MTERF4: variants seen among roughly 807,000 people sequenced by gnomAD.
The protein encoded by MTERF4 is mitochondrial transcription termination factor 4.
In MTERF4, 17 loss-of-function variants were observed where a neutral mutation model predicts 22.5. The ratio of observed to expected loss-of-function variants is 0.75; its 90% CI spans 0.52 to 1.13. The LOEUF (loss-of-function observed/expected upper bound fraction) is 1.13, where lower values mean the gene tolerates loss of function less well. Ranked by LOEUF, MTERF4 falls within the 50% of genes most tolerant of loss-of-function variation. The probability of loss-of-function intolerance (pLI) is 0.00; values close to 1 mark genes in which losing one functional copy is unlikely to be tolerated. For synonymous variants in MTERF4, 165 were observed against 175.3 expected, an observed-to-expected ratio of 0.94 and a Z score of 0.47; for missense variants, 420 against 466.8, an observed-to-expected ratio of 0.90 and a Z score of 0.92.
downstream of MTERF4, among the ~76,000 whole-genome samples, chr2:241,085,293 T>C (rs2063522781): frequency 6.6e-6 from 1 of 152,232 alleles, no homozygotes. Context: ...TCTCAACTTT[T>C]TCAGTCTTTT....
At chr2:241,064,572 T>G in the MTERF4 span, among the ~76,000 whole-genome samples, 1 of 152,188 alleles carries the variant, frequency 6.6e-6, no homozygotes, top group Non-Finnish European at 1.5e-5. The surrounding 1 kb of genome is among the most constrained non-coding windows in gnomAD (Gnocchi z 7.0). Flanking sequence ...GGACTGTCAC[T>G]GGGGTGGTGG....
Position 241,099,391 on chromosome 2 carries a change from T to C in MTERF4, c.520+5A>G. On this transcript the variant is annotated splice_donor_5th_base_variant and intron_variant, in intron 2 of 3. Transcript: ENST00000391980. ...CACCCAGCCAAAATCTGCAACTTCTTGTACCTTCTCCAAGCCCAAGCTTTT... is the reference window on the plus strand; with the variant it reads ...CACCCAGCCAAAATCTGCAACTTCTCGTACCTTCTCCAAGCCCAAGCTTTT... 1 of 1,610,884 alleles carries C rather than the reference T, an allele frequency of 6.2e-7. No homozygotes were observed. The highest frequency in any genetic ancestry group is 8.5e-7 in the Non-Finnish European group (1 of 1,178,314).
At position 241,096,992 on chromosome 2, in the gene MTERF4, G is replaced by T; in HGVS notation, c.705+251C>A. 1.7e-6 allele frequency: 1 copy of T among 594,186 alleles called. No individual in the cohort carries two copies. The highest frequency in any genetic ancestry group is 3.0e-6 in the Non-Finnish European group (1 of 336,964). The allele number at this position is 594,186 out of a possible 1,614,324, so 36.8% of individuals were successfully genotyped here. ...AGTTGAAGAATAGGTTTGATCTGTA[G>T]TAAAGAAATTAAAGATTTCTCTTTG... is the stretch of plus-strand genomic sequence containing the variant. On this transcript the variant is annotated intron_variant, in intron 3 of 3. Transcript: ENST00000391980. The surrounding 1 kb of genome is among the most constrained non-coding windows in gnomAD (Gnocchi z 5.1).
downstream of MTERF4, chr2:241,071,772 G>GGTTGCTTTCTTCTTAGGGTCAAATC: frequency 6.3e-7 from 1 of 1,577,022 alleles, no homozygotes; most frequent in Non-Finnish European, 8.6e-7. Context: ...TCGGACTGTG[G>GGTTGCTTTCTTCTTAGGGTCAAATC]TGACCCTCCC....
chr2:241,073,472 G>A lies in MTERF4; in HGVS notation n.2690C>T. ...CCACGGTGAGGAATCAGGAGGCACAGAGCCTACCTGAGGGGAGGCTGAGCA... is the reference window on the plus strand; with the variant it reads ...CCACGGTGAGGAATCAGGAGGCACAAAGCCTACCTGAGGGGAGGCTGAGCA... On this transcript the variant is annotated non_coding_transcript_exon_variant, in exon 5 of 5. Transcript: ENST00000464344. This position sits in a 1 kb window ranked among gnomAD's most constrained non-coding sequence, Gnocchi z 6.6. 2.2e-6 allele frequency: 2 copies of A among 896,158 alleles called. No homozygotes were observed. The highest frequency in any genetic ancestry group is 3.6e-6 in the Non-Finnish European group (2 of 552,320). The allele number at this position is 896,158 out of a possible 1,614,324, so 55.5% of individuals were successfully genotyped here.
At position 241,096,625 on chromosome 2, in the gene MTERF4, C is replaced by A; in HGVS notation, c.706-187G>T. On this transcript the variant is annotated intron_variant, in intron 3 of 3. Transcript: ENST00000391980. The surrounding 1 kb of genome is among the most constrained non-coding windows in gnomAD (Gnocchi z 5.1). ...AGCAGTTTCAAAACACTTTCAAATT[C>A]ATCCTGAGAAACATGGAGCAGGAAA... The A allele has an allele frequency of 1.4e-6, 1 of 723,072 alleles. No individual in the cohort carries two copies. Among genetic ancestry groups the A allele is most frequent in the Non-Finnish European group, 2.5e-6 (1 of 395,624 alleles). 44.8% of individuals were successfully genotyped at this position (723,072 alleles called of 1,614,324 possible).
At chr2:241,063,390 C>G in the MTERF4 span, 2 of 604,064 alleles carry the variant, frequency 3.3e-6, no homozygotes, top group South Asian at 3.6e-5. Context: ...GGGGCTTTGC[C>G]AGCAGGCAGT....
At chr2:241,071,188 C>T (rs111403809), downstream of MTERF4, among the ~76,000 whole-genome samples, 180 of 152,280 alleles carry the variant, frequency 1.2e-3, no homozygotes, top group African/African-American at 4.1e-3. Flanking sequence ...CCAGCTGAAG[C>T]GTCCCATCAG....
the MTERF4 span, chr2:241,064,727 C>A: frequency 1.5e-6 from 1 of 683,794 alleles, no homozygotes; most frequent in Non-Finnish European, 2.4e-6. The surrounding 1 kb of genome is among the most constrained non-coding windows in gnomAD (Gnocchi z 7.0). Context: ...CTGTCCTGTG[C>A]CCCCCGCCCC....
chr2:241,102,213 C>G, intron 1 of MTERF4, 40 bp downstream of exon 1: 1 of 1,548,022 alleles, frequency 6.5e-7, no homozygotes. Flanking sequence ...GCCCGCCCGC[C>G]TGCGACCCGG....
At chr2:241,088,410 C>T, downstream of MTERF4, 1 of 1,608,464 alleles carries the variant, frequency 6.2e-7, no homozygotes, top group African/African-American at 1.3e-5. Context: ...AAGGTACGTC[C>T]CTGCTGCTCC....
chr2:241,099,755 T>C lies in MTERF4; in HGVS notation c.161A>G (p.Glu54Gly). 1 of 1,614,146 alleles carries C rather than the reference T, an allele frequency of 6.2e-7. No individual in the cohort carries two copies. Among genetic ancestry groups the C allele is most frequent in the Non-Finnish European group, 8.5e-7 (1 of 1,180,020 alleles). ...TTASNGGVIE[E>G]LSCVRSNNYV... ...GTTATTGGATCTAACACAAGATAAC[T>C]CCTCAATGACCCCTCCATTGGAGGC... Residue 54 changes from glutamate (E) to glycine (G), a missense_variant, in exon 2 of 4, where the codon GAG (glutamate) becomes GGG (glycine). By Grantham distance (98) the Glu-to-Gly change is moderately conservative. Coordinates refer to ENST00000391980, the MANE Select transcript of MTERF4 (RefSeq NM_182501.4).
rs2062984401 is a variant in MTERF4, at chr2:241,075,629, C to T, written n.533G>A. On this transcript the variant is annotated non_coding_transcript_exon_variant, in exon 5 of 5. Coordinates refer to the MTERF4 transcript ENST00000464344. The surrounding 1 kb of genome is among the most constrained non-coding windows in gnomAD (Gnocchi z 4.8). ...GATCCTTTGTCAGGTCTGTGTTCTG[C>T]AGGTATCTTCCTCCAGCCTCTGGCT... 1 of 151,884 alleles carries T rather than the reference C, an allele frequency of 6.6e-6. No individual in the cohort carries two copies. Among genetic ancestry groups the T allele is most frequent in the Admixed American group, 6.6e-5 (1 of 15,252 alleles). The allele number at this position is 151,884 out of a possible 1,614,324, so 9.4% of individuals were successfully genotyped here.
At chr2:241,063,982 G>A in the MTERF4 span, 1 of 1,483,798 alleles carries the variant, frequency 6.7e-7, no homozygotes, top group Non-Finnish European at 9.2e-7. Context: ...CCCCCTTGCA[G>A]CTTGGGCCCA....
the MTERF4 span, chr2:241,048,775 C>A: frequency 2.2e-4 from 351 of 1,592,842 alleles, no homozygotes; most frequent in Non-Finnish European, 2.6e-4. Context: ...TGGTAGGTGC[C>A]CAGGTCACCC....
chr2:241,102,186 G>C, intron 1 of MTERF4, 67 bp downstream of exon 1: 6 of 1,545,730 alleles, frequency 3.9e-6, no homozygotes, highest in Non-Finnish European at 5.2e-6. Flanking sequence ...CGGCGGCCGC[G>C]GTTCCTCTGC....
chr2:241,048,414 G>GCTT, the MTERF4 span: 1 of 1,610,384 alleles, frequency 6.2e-7, no homozygotes, highest in Non-Finnish European at 8.5e-7. Context: ...TGCCCCGAAG[G>GCTT]CTTCATGGGC....
At chr2:241,048,715 A>G in the MTERF4 span, 2 of 1,612,942 alleles carry the variant, frequency 1.2e-6, no homozygotes, top group South Asian at 2.2e-5. Context: ...GGGCGCCAAC[A>G]CCACCCTCTG....
chr2:241,048,222 G>A, the MTERF4 span: 1 of 1,407,874 alleles, frequency 7.1e-7, no homozygotes, highest in Admixed American at 2.9e-5. Context: ...GACAACAGAG[G>A]TGAAAACCCA....
Sources: gnomAD v4.1 joint callset for allele counts (sites outside exome capture counted in the v4.1 genomes callset) on GRCh38, gnomAD v4.1.1 for gene constraint, Gnocchi (gnomAD v3.1) non-coding constraint, MANE v1.5 for transcripts, NCBI Gene and HGNC (gene_info 2026-07-23, HGNC 2026-07-21) for gene names.